ATP13A1: variants seen among roughly 807,000 people sequenced by gnomAD.
The protein encoded by ATP13A1 is ATPase 13A1, also known as endoplasmic reticulum transmembrane helix translocase.
A neutral mutation model predicts 134.8 loss-of-function variants in ATP13A1; 55 were observed. The observed-to-expected ratio is 0.41, with a 90% CI of 0.33 to 0.51. The LOEUF (loss-of-function observed/expected upper bound fraction) is 0.51. ATP13A1 is among the 20% of genes least tolerant of loss of function. ATP13A1 has a pLI of 0.29. For synonymous variants in ATP13A1, 775 were observed against 725.1 expected (o/e 1.07, Z -1.10); for missense variants, 1,389 against 1,652.8 (o/e 0.84, Z 2.77).
At position 19,655,263 on chromosome 19, in the gene ATP13A1, G is replaced by T; in HGVS notation, c.1535-24C>A. On this transcript the variant is annotated intron_variant, in intron 11 of 25. Transcript: ENST00000357324. The surrounding 1 kb of genome is among the most constrained non-coding windows in gnomAD (Gnocchi z 5.7). ...GTCTAGGGGCGGGAGTGAGGTCAGGGGTCCTGCTTGGCCCCAGCCCACTCG... is the reference window on the plus strand; with the variant it reads ...GTCTAGGGGCGGGAGTGAGGTCAGGTGTCCTGCTTGGCCCCAGCCCACTCG... The T allele has an allele frequency of 6.2e-7, 1 of 1,613,954 alleles. No individual in the cohort carries two copies. Among genetic ancestry groups the T allele is most frequent in the Non-Finnish European group, 8.5e-7 (1 of 1,179,882 alleles).
chr19:19,656,019 GC>G lies in ATP13A1; in HGVS notation c.1213+34del. ...AAGCAGACGGGCAAAGGGGGTGGAA[GC>G]CCAGATACCCCCAGACGCCCATGAG... On this transcript the variant is annotated intron_variant, in intron 8 of 25. Coordinates refer to ENST00000357324, the MANE Select transcript of ATP13A1 (RefSeq NM_020410.3). This position sits in a 1 kb window ranked among gnomAD's most constrained non-coding sequence, Gnocchi z 4.6. 3 of 1,613,082 alleles carry G rather than the reference GC, an allele frequency of 1.9e-6. No homozygotes were observed. The highest frequency in any genetic ancestry group is 2.5e-6 in the Non-Finnish European group (3 of 1,179,666).
Position 19,645,301 on chromosome 19 carries a change from C to G in ATP13A1, c.*121G>C, listed in dbSNP as rs2061976948. On this transcript the variant is annotated 3_prime_UTR_variant, in exon 26 of 26. Transcript: ENST00000357324. This position sits in a 1 kb window ranked among gnomAD's most constrained non-coding sequence, Gnocchi z 4.1. ...GCTGTGGGGGTCCCAGCTCAGTCTT[C>G]CAAGGGCGAGACTGTACAGCCTTGC... 1 of 1,163,104 alleles carries G rather than the reference C, an allele frequency of 8.6e-7. No individual in the cohort carries two copies. 72.0% of individuals were successfully genotyped at this position (1,163,104 alleles called of 1,614,324 possible).
At chr19:19,649,375 C>T (rs545902727) in intron 19 of ATP13A1, among the ~76,000 whole-genome samples, 192 bp downstream of exon 19, 48 of 152,292 alleles carry the variant, frequency 3.2e-4, no homozygotes, top group South Asian at 6.2e-4. Context: ...CTCTGGCCTC[C>T]GCCCTGCTCT....
Position 19,657,130 on chromosome 19 carries a change from C to G in ATP13A1, c.770G>C (p.Trp257Ser). Residue 257 changes from tryptophan to serine, a missense_variant, in exon 5 of 26, where the codon TGG becomes TCG. Physicochemically the swap from Trp to Ser is radical, Grantham distance 177. Around this residue, in one of 4 missense-constraint regions of ATP13A1, gnomAD observed 747 missense variants for 956.1 expected, o/e 0.78. Coordinates refer to ENST00000357324, the MANE Select transcript of ATP13A1 (RefSeq NM_020410.3). The stretch of plus-strand genomic sequence containing the variant: ...GTAGTACCAGTACTCATCCAGGCAC[C>G]AGAGCCCCACACAGAACACCTGTGG... The part of the protein sequence containing the change: ...FVFQVFCVGL[W>S]CLDEYWYYSV... The G allele has an allele frequency of 6.6e-7, 1 of 1,511,498 alleles. No individual in the cohort carries two copies. Among genetic ancestry groups the G allele is most frequent in the Non-Finnish European group, 8.8e-7 (1 of 1,130,388 alleles). 93.6% of individuals were successfully genotyped at this position (1,511,498 alleles called of 1,614,324 possible). A position where few individuals can be genotyped will look rare whatever the true frequency, so the allele number is the denominator to read the frequency against.
chr19:19,661,080 A>AAAAC (rs112455482), intron 1 of ATP13A1, among the ~76,000 whole-genome samples: 31,742 of 151,354 alleles, frequency 0.21, 3,437 homozygotes, highest in Middle Eastern at 0.34. Flanking sequence ...CTCCATCTCA[A>AAAAC]AAACAAACAA....
At chr19:19,650,029 G>A in intron 17 of ATP13A1, 89 bp from the exon 18 acceptor site, 3 of 1,252,374 alleles carry the variant, frequency 2.4e-6, no homozygotes, top group Non-Finnish European at 3.3e-6. Context: ...GCACCAGCCA[G>A]TCTCTCCTCT....
rs202109442 is a variant in ATP13A1, at chr19:19,659,805, T to C, written c.487-14A>G. On this transcript the variant is annotated splice_polypyrimidine_tract_variant and intron_variant, in intron 2 of 25. Coordinates refer to ENST00000357324, the MANE Select transcript of ATP13A1 (RefSeq NM_020410.3). Reference sequence around the variant, plus strand: ...CCCGTCTTCGCCCTGCGGTAGAAGGTGTGTTTGCCACAGAGGCCCCTGACC... The same window carrying C: ...CCCGTCTTCGCCCTGCGGTAGAAGGCGTGTTTGCCACAGAGGCCCCTGACC... 6.2e-7 allele frequency: 1 copy of C among 1,611,820 alleles called. No homozygotes were observed. Among genetic ancestry groups the C allele is most frequent in the African/African-American group, 1.3e-5 (1 of 75,020 alleles).
In ATP13A1 at chr19:19,656,624, T is replaced by C. The variant is rs775846396; in HGVS notation, c.1083+36A>G. On this transcript the variant is annotated intron_variant, in intron 7 of 25. Transcript: ENST00000357324. This position sits in a 1 kb window ranked among gnomAD's most constrained non-coding sequence, Gnocchi z 4.6. ...CTCCACCTCCTGGCCTGTTTCCTCC[T>C]GAACAGCTTGAGGATCCCCATCCTC... The C allele has an allele frequency of 6.9e-6, 11 of 1,598,234 alleles. No homozygotes were observed. Among genetic ancestry groups the C allele is most frequent in the Non-Finnish European group, 8.5e-6 (10 of 1,171,732 alleles).
Position 19,663,466 on chromosome 19 carries a change from C to A in ATP13A1, c.201G>T (p.Val67=), listed in dbSNP as rs2062107640. 4.5e-6 allele frequency: 7 copies of A among 1,542,104 alleles called. No individual in the cohort carries two copies. Among genetic ancestry groups the A allele is most frequent in the Non-Finnish European group, 6.1e-6 (7 of 1,147,778 alleles). The part of the protein sequence containing the change: ...RRLALLRRLT[V]LPFAGLLYPA... ...GGTAAAGCAGCCCGGCGAATGGCAG[C>A]ACCGTGAGGCGCCGCAACAGCGCCA... Residue 67 remains valine (V), a synonymous_variant, in exon 1 of 26, where the codon GTG becomes GTT. Coordinates refer to ENST00000357324, the MANE Select transcript of ATP13A1 (RefSeq NM_020410.3).
intron 17 of ATP13A1, chr19:19,650,301 C>T (rs1178962973): frequency 1.4e-5 from 4 of 292,644 alleles, no homozygotes; most frequent in Non-Finnish European, 2.6e-5. Context: ...CACACCAGGC[C>T]CTCACCTCAT....
rs367930514 is a variant in ATP13A1, at chr19:19,653,738, G to C, written c.2100+46C>G. 2.2e-5 allele frequency: 32 copies of C among 1,480,208 alleles called. No homozygotes were observed. The East Asian group carries it at 7.6e-4, about 35-fold the overall frequency. 91.7% of individuals were successfully genotyped at this position (1,480,208 alleles called of 1,614,324 possible). A position where few individuals can be genotyped will look rare whatever the true frequency, so the allele number is the denominator to read the frequency against. On this transcript the variant is annotated intron_variant, in intron 15 of 25. Coordinates refer to ENST00000357324, the MANE Select transcript of ATP13A1 (RefSeq NM_020410.3). This position sits in a 1 kb window ranked among gnomAD's most constrained non-coding sequence, Gnocchi z 4.2. ...ACAGGAGGTGACTCAGGGAGGAGCT[G>C]ACGGGCCAGGCACATGGTGAAGGCA...
chr19:19,655,629 A>T lies in ATP13A1; in HGVS notation c.1295T>A (p.Phe432Tyr). ...SQGKLLRTIL[F>Y]GVKRVTANNL... ...GTTCGCAGTCACCCTCTTGACCCCGAAGAGGATGGTGCGCAGCAGCTTGCC... is the reference window on the plus strand; with the variant it reads ...GTTCGCAGTCACCCTCTTGACCCCGTAGAGGATGGTGCGCAGCAGCTTGCC... Residue 432 changes from phenylalanine to tyrosine, a missense_variant, in exon 10 of 26, where the codon TTC becomes TAC. Phe to Tyr is a conservative substitution (Grantham distance 22, BLOSUM62 3). Coordinates refer to ENST00000357324, the MANE Select transcript of ATP13A1 (RefSeq NM_020410.3). The surrounding 1 kb of genome is among the most constrained non-coding windows in gnomAD (Gnocchi z 5.7). 1 of 1,613,692 alleles carries T rather than the reference A, an allele frequency of 6.2e-7. No individual in the cohort carries two copies. The highest frequency in any genetic ancestry group is 8.5e-7 in the Non-Finnish European group (1 of 1,179,784).
chr19:19,645,289 C>T lies in ATP13A1; in HGVS notation c.*133G>A. On this transcript the variant is annotated 3_prime_UTR_variant, in exon 26 of 26. Transcript: ENST00000357324. This position sits in a 1 kb window ranked among gnomAD's most constrained non-coding sequence, Gnocchi z 4.1. The stretch of plus-strand genomic sequence containing the variant: ...AGCCAGCGGATGGCTGTGGGGGTCC[C>T]AGCTCAGTCTTCCAAGGGCGAGACT... The T allele has an allele frequency of 2.9e-6, 3 of 1,021,064 alleles. No individual in the cohort carries two copies. The highest frequency in any genetic ancestry group is 1.6e-5 in the African/African-American group (1 of 62,144). 63.3% of individuals were successfully genotyped at this position (1,021,064 alleles called of 1,614,324 possible). A position where few individuals can be genotyped will look rare whatever the true frequency, so the allele number is the denominator to read the frequency against.
intron 4 of ATP13A1, 76 bp downstream of exon 4, chr19:19,657,260 G>C: frequency 6.6e-7 from 1 of 1,506,468 alleles, no homozygotes; most frequent in Non-Finnish European, 8.9e-7. Context: ...AGGTTTAGAA[G>C]TGGTGGGCAG....
At chr19:19,646,930 G>T in intron 22 of ATP13A1, 199 bp downstream of exon 22, 1 of 612,382 alleles carries the variant, frequency 1.6e-6, no homozygotes, top group Non-Finnish European at 2.8e-6. Context: ...AGGTGTGGAC[G>T]CCAAGCTGTA....
chr19:19,646,419 G>GT (rs1244310082), intron 22 of ATP13A1, 72 bp from the exon 23 acceptor site: 18 of 1,570,366 alleles, frequency 1.1e-5, no homozygotes, highest in Non-Finnish European at 1.5e-5. Flanking sequence ...ACAGCAGGCA[G>GT]TAACATCCCC....
intron 1 of ATP13A1, 113 bp from the exon 2 acceptor site, chr19:19,660,100 TG>T (rs2062084944): frequency 4.8e-6 from 4 of 826,812 alleles, no homozygotes; most frequent in Non-Finnish European, 7.6e-6. Flanking sequence ...GAAATGCCAC[TG>T]GGCTCTGGTG....
intron 1 of ATP13A1, among the ~76,000 whole-genome samples, chr19:19,661,232 G>A (rs2062092687): frequency 1.3e-5 from 2 of 152,136 alleles, no homozygotes; most frequent in Admixed American, 1.3e-4. Context: ...TAGGAAGAAC[G>A]CTGCCAGGCA....
chr19:19,657,455 G>C, intron 3 of ATP13A1, 47 bp from the exon 4 acceptor site: 1 of 1,533,634 alleles, frequency 6.5e-7, no homozygotes, highest in Non-Finnish European at 8.8e-7. Context: ...AGGCCTCTGG[G>C]GTATGGAGTC....
Sources: gnomAD v4.1 joint callset for allele counts (sites outside exome capture counted in the v4.1 genomes callset) on GRCh38, gnomAD v4.1.1 for gene constraint, gnomAD v4.1.1 regional missense constraint, Gnocchi (gnomAD v3.1) non-coding constraint, MANE v1.5 for transcripts, NCBI Gene and HGNC (gene_info 2026-07-23, HGNC 2026-07-21) for gene names.